The following GRIN2B variants were observed in gnomAD, a reference collection of about 807,000 sequenced individuals.
GRIN2B encodes the protein glutamate receptor ionotropic, NMDA 2B.
Under a neutral mutation model 114.5 loss-of-function variants are expected in GRIN2B, and 5 were observed. The ratio of observed to expected loss-of-function variants is 0.04; its 90% CI spans 0.02 to 0.09. GRIN2B has a LOEUF of 0.09. Among genes scored for constraint, GRIN2B ranks in the 10% least tolerant of loss-of-function variants. The probability of loss-of-function intolerance (pLI) is 1.00; values close to 1 mark genes in which losing one functional copy is unlikely to be tolerated. For missense variants in GRIN2B, 1,108 were observed against 1,943.5 expected (o/e 0.57, Z 8.08); for synonymous variants, 787 against 745.1 (o/e 1.06, Z -0.92).
Position 13,957,453 on chromosome 12 carries a change from A to G in GRIN2B, c.-19+22475T>C, listed in dbSNP as rs1005512759. On this transcript the variant is annotated intron_variant, in intron 2 of 13. Transcript: ENST00000609686. ...TGGAAATTAAAGACAGAAGCACCCA[A>G]TGAACTCATCTTCATCTCATTGGTA... 7.2e-5 allele frequency among the ~76,000 whole-genome samples: 11 copies of G among 152,138 alleles called. 1 individual carries two copies. Among genetic ancestry groups the G allele is most frequent in the Admixed American group, 5.9e-4 (9 of 15,268 alleles).
chr12:13,835,771 TA>T (rs1165005583), intron 3 of GRIN2B, among the ~76,000 whole-genome samples: 17,839 of 91,534 alleles, frequency 0.19, 1,128 homozygotes, highest in Non-Finnish European at 0.21. Context: ...CATAGCACAT[TA>T]AAAAAAAAAA....
intron 2 of GRIN2B, among the ~76,000 whole-genome samples, chr12:13,889,134 T>C (rs1334270685): frequency 6.6e-6 from 1 of 152,218 alleles, no homozygotes; most frequent in Non-Finnish European, 1.5e-5. Context: ...TTTTAGATTT[T>C]TTGTCAATAA....
At chr12:13,681,957 C>G (rs543459591) in intron 4 of GRIN2B, among the ~76,000 whole-genome samples, 37 of 152,216 alleles carry the variant, frequency 2.4e-4, no homozygotes, top group African/African-American at 8.7e-4. Flanking sequence ...CACAGTACCT[C>G]TAGAAATAGT....
At chr12:13,705,155 G>A (rs1156734069) in intron 4 of GRIN2B, among the ~76,000 whole-genome samples, 1 of 152,058 alleles carries the variant, frequency 6.6e-6, no homozygotes, top group Non-Finnish European at 1.5e-5. Flanking sequence ...ACACATAGGA[G>A]GTATTTAACA....
chr12:13,748,049 C>T (rs1187609629), intron 4 of GRIN2B, among the ~76,000 whole-genome samples: 1 of 152,056 alleles, frequency 6.6e-6, no homozygotes, highest in African/African-American at 2.4e-5. Context: ...TTTTTCACAT[C>T]AGTTATTCAA....
intron 3 of GRIN2B, among the ~76,000 whole-genome samples, chr12:13,788,932 A>G (rs930327328): frequency 6.6e-6 from 1 of 152,168 alleles, no homozygotes; most frequent in Non-Finnish European, 1.5e-5. Flanking sequence ...GAAACTGGCA[A>G]TGGAGATACA....
At chr12:13,928,688 C>T (rs1565590123) in intron 2 of GRIN2B, among the ~76,000 whole-genome samples, 1 of 152,200 alleles carries the variant, frequency 6.6e-6, no homozygotes, top group Non-Finnish European at 1.5e-5. Context: ...GAAGGTTACA[C>T]AATGACAAAG....
intron 2 of GRIN2B, among the ~76,000 whole-genome samples, chr12:13,910,024 A>G (rs1052462866): frequency 1.1e-4 from 17 of 152,218 alleles, no homozygotes; most frequent in Admixed American, 2.0e-4. Context: ...TAGATATTTC[A>G]GGAATGGGCT....
chr12:13,767,258 CAAA>C lies in GRIN2B; in HGVS notation c.412-13346_412-13344del, dbSNP rs34462939. Among the ~76,000 whole-genome samples, 23 of 97,636 alleles carry C rather than the reference CAAA, an allele frequency of 2.4e-4. No homozygotes were observed. The South Asian group carries it at 2.7e-3, about 11-fold the overall frequency. 64.1% of individuals were successfully genotyped at this position (97,636 alleles called of 152,430 possible). ...CTGTGCGAAAGTACAGACTCTGTCTCAAAAAAAAAAAAAAAAAAAAAGTATTCT... is the reference window on the plus strand; with the variant it reads ...CTGTGCGAAAGTACAGACTCTGTCTCAAAAAAAAAAAAAAAAAAGTATTCT... On this transcript the variant is annotated intron_variant, in intron 3 of 13. Transcript: ENST00000609686.
intron 5 of GRIN2B, among the ~76,000 whole-genome samples, chr12:13,651,204 G>A (rs1169475124): frequency 1.3e-5 from 2 of 152,114 alleles, no homozygotes; most frequent in Non-Finnish European, 2.9e-5. Flanking sequence ...TAGTACCTCA[G>A]GCAGGGATGG....
chr12:13,660,089 G>A (rs1949906377), intron 5 of GRIN2B, among the ~76,000 whole-genome samples: 1 of 152,156 alleles, frequency 6.6e-6, no homozygotes, highest in African/African-American at 2.4e-5. Context: ...GCTTCCCTTA[G>A]AGCAAGGGAT....
intron 2 of GRIN2B, among the ~76,000 whole-genome samples, chr12:13,872,454 CAAA>C (rs35373717): frequency 1.6e-5 from 2 of 124,326 alleles, no homozygotes; most frequent in Admixed American, 7.9e-5. Context: ...GGCTCCGACT[CAAA>C]AAAAAAAAAA....
intron 4 of GRIN2B, among the ~76,000 whole-genome samples, chr12:13,689,470 C>T (rs1396335237): frequency 1.3e-5 from 2 of 152,136 alleles, no homozygotes; most frequent in African/African-American, 2.4e-5. Flanking sequence ...CAAAACTTCC[C>T]TTTCTTTACA....
chr12:13,688,461 G>A (rs1950189198), intron 4 of GRIN2B, among the ~76,000 whole-genome samples: 1 of 152,122 alleles, frequency 6.6e-6, no homozygotes, highest in Admixed American at 6.6e-5. Flanking sequence ...GATAATTAGA[G>A]AACCCCAGTC....
At chr12:13,582,028 A>T (rs987672755) in intron 10 of GRIN2B, among the ~76,000 whole-genome samples, 2 of 152,242 alleles carry the variant, frequency 1.3e-5, no homozygotes, top group African/African-American at 4.8e-5. Flanking sequence ...GACTCAATAA[A>T]CAAGCCACTT....
At chr12:13,737,507 G>A (rs1295980221) in intron 4 of GRIN2B, among the ~76,000 whole-genome samples, 2 of 152,100 alleles carry the variant, frequency 1.3e-5, no homozygotes, top group Non-Finnish European at 2.9e-5. Context: ...CACTGTGTCC[G>A]GCTGAAAGTT....
At chr12:13,681,253 C>A (rs926741910) in intron 4 of GRIN2B, among the ~76,000 whole-genome samples, 3 of 152,126 alleles carry the variant, frequency 2.0e-5, no homozygotes, top group Non-Finnish European at 4.4e-5. Flanking sequence ...GATAGCATCT[C>A]ATTTCATCCA....
intron 5 of GRIN2B, among the ~76,000 whole-genome samples, chr12:13,633,224 A>G (rs1949632306): frequency 6.6e-6 from 1 of 152,248 alleles, no homozygotes; most frequent in Non-Finnish European, 1.5e-5. Flanking sequence ...AGTGAAGGTC[A>G]AAGTGTGGCC....
At chr12:13,742,135 G>C (rs1206841140) in intron 4 of GRIN2B, among the ~76,000 whole-genome samples, 7 of 152,064 alleles carry the variant, frequency 4.6e-5, no homozygotes, top group Non-Finnish European at 1.0e-4. Context: ...CAATGACTAT[G>C]CTTTTTTGCT....
Sources: gnomAD v4.1 joint callset for allele counts (sites outside exome capture counted in the v4.1 genomes callset) on GRCh38, gnomAD v4.1.1 for gene constraint, MANE v1.5 for transcripts, NCBI Gene and HGNC (gene_info 2026-07-23, HGNC 2026-07-21) for gene names.